Variants in NPHS1 observed in about 807,000 individuals in gnomAD.
NPHS1 encodes the protein nephrin.
In NPHS1, 107 loss-of-function variants were observed where a neutral mutation model predicts 139.7. That is an observed-to-expected ratio of 0.77 (90% CI 0.66 to 0.90). The LOEUF is 0.90. Ranked by LOEUF, NPHS1 falls within the 40% of genes least tolerant of loss-of-function variation. The probability of loss-of-function intolerance (pLI) is 0.00; values close to 1 mark genes in which losing one functional copy is unlikely to be tolerated. For synonymous variants in NPHS1, 707 were observed against 706.6 expected (o/e 1.00, Z -0.01); for missense variants, 1,580 against 1,654.2 (o/e 0.96, Z 0.78).
chr19:35,832,653 G>A (rs1000478122), intron 23 of NPHS1, among the ~76,000 whole-genome samples: 1 of 151,926 alleles, frequency 6.6e-6, no homozygotes, highest in African/African-American at 2.4e-5. Context: ...ACTCTGGGAG[G>A]CTGAGGGGTT....
chr19:35,851,272 G>C lies in NPHS1; in HGVS notation c.387C>G (p.Leu129=). ...GPELVSPRVI[L]SILVPPKLLL... Reference sequence around the variant, plus strand: ...GTCTCTCACCCATACCCAGGATGGAGAGGATCACTCTGGGAGACACGAGCT... The same window carrying C: ...GTCTCTCACCCATACCCAGGATGGACAGGATCACTCTGGGAGACACGAGCT... The change falls in exon 3 of 29, where the codon CTC becomes CTG. Residue 129 remains leucine (L), a synonymous_variant. Coordinates refer to ENST00000378910, the MANE Select transcript of NPHS1 (RefSeq NM_004646.4). 6.2e-7 allele frequency: 1 copy of C among 1,614,084 alleles called. No homozygotes were observed. Among genetic ancestry groups the C allele is most frequent in the South Asian group, 1.1e-5 (1 of 91,078 alleles).
chr19:35,828,422 AC>A (rs1972829202), intron 28 of NPHS1, among the ~76,000 whole-genome samples: 1 of 151,856 alleles, frequency 6.6e-6, no homozygotes, highest in Non-Finnish European at 1.5e-5. Context: ...CAGCCACCAC[AC>A]CCGGCTAACT....
Position 35,844,158 on chromosome 19 carries a change from C to T in NPHS1, c.2157G>A (p.Leu719=). The T allele has an allele frequency of 6.2e-7, 1 of 1,610,432 alleles. No individual in the cohort carries two copies. The highest frequency in any genetic ancestry group is 8.5e-7 in the Non-Finnish European group (1 of 1,180,014). ...VTRADDGLYQ[L]HCQNSEGTAE... is the part of the protein sequence containing the mutation. ...CGGTGCCCTCAGAGTTCTGGCAGTG[C>T]AGCTGATAGAGGCCGTCGTCCGCGC... The change falls in exon 16 of 29, where the codon CTG becomes CTA. Residue 719 remains leucine (L), a synonymous_variant. Coordinates refer to ENST00000378910, the MANE Select transcript of NPHS1 (RefSeq NM_004646.4).
At chr19:35,830,415 C>T (rs1313704869) in intron 28 of NPHS1, among the ~76,000 whole-genome samples, 2 of 152,154 alleles carry the variant, frequency 1.3e-5, no homozygotes, top group Non-Finnish European at 2.9e-5. Context: ...AATAGACTGC[C>T]TTCTTTTTTT....
intron 9 of NPHS1, 105 bp from the exon 10 acceptor site, chr19:35,848,502 T>TA: frequency 1.3e-6 from 2 of 1,584,260 alleles, no homozygotes; most frequent in Non-Finnish European, 1.7e-6. Context: ...GAGACATCTC[T>TA]ACCTCCCCCT....
At position 35,851,666 on chromosome 19, in the gene NPHS1, G is replaced by A. The variant is rs116617171; in HGVS notation, c.65C>T (p.Ala22Val). Reference sequence around the variant, plus strand: ...AACGGAGGCAGGAATCGCCAACTGCGCCAGGCCTGAGGACACAGCGCGGTG... The same window carrying A: ...AACGGAGGCAGGAATCGCCAACTGCACCAGGCCTGAGGACACAGCGCGGTG... The part of the protein sequence containing the change: ...LLLGLLTEGL[A>V]QLAIPASVPR... The change falls in exon 2 of 29, where the codon GCG becomes GTG. Residue 22 changes from alanine to valine, a missense_variant. Coordinates refer to ENST00000378910, the MANE Select transcript of NPHS1 (RefSeq NM_004646.4). The A allele has an allele frequency of 5.5e-4, 894 of 1,612,420 alleles. 9 individuals carry two copies. The East Asian group carries it at 0.018, about 33-fold the overall frequency.
In NPHS1 at chr19:35,843,463, G is replaced by T. The variant is rs756158801; in HGVS notation, c.2334+9C>A. ...CCCCACCTCTATTCACCAAAGGCTG[G>T]ATCCTCACCAGTCTCTCCCAGTTGA... On this transcript the variant is annotated intron_variant, in intron 17 of 28. Coordinates refer to ENST00000378910, the MANE Select transcript of NPHS1 (RefSeq NM_004646.4). 2.5e-6 allele frequency: 4 copies of T among 1,613,852 alleles called. No homozygotes were observed. Among genetic ancestry groups the T allele is most frequent in the Non-Finnish European group, 3.4e-6 (4 of 1,179,916 alleles).
intron 23 of NPHS1, among the ~76,000 whole-genome samples, chr19:35,832,656 G>T (rs1356883236): frequency 1.3e-5 from 2 of 151,924 alleles, no homozygotes; most frequent in Non-Finnish European, 2.9e-5. Context: ...CTGGGAGGCT[G>T]AGGGGTTGGA....
intron 16 of NPHS1, 56 bp downstream of exon 16, chr19:35,844,047 C>T: frequency 6.3e-7 from 1 of 1,591,540 alleles, no homozygotes; most frequent in South Asian, 1.1e-5. Flanking sequence ...TGAGGAGACT[C>T]CACAATGGGC....
Position 35,841,874 on chromosome 19 carries a change from G to T in NPHS1, c.2664-8C>A, listed in dbSNP as rs1350990506. 6.2e-7 allele frequency: 1 copy of T among 1,603,752 alleles called. No homozygotes were observed. The highest frequency in any genetic ancestry group is 1.1e-5 in the South Asian group (1 of 89,570). On this transcript the variant is annotated splice_region_variant and splice_polypyrimidine_tract_variant and intron_variant, in intron 19 of 28. Transcript: ENST00000378910. ...TATGTGTGCTCCGTGTACCTAGAGAGAAGGTAGGGCACCACTCACCCTTCC... is the reference window on the plus strand; with the variant it reads ...TATGTGTGCTCCGTGTACCTAGAGATAAGGTAGGGCACCACTCACCCTTCC...
At chr19:35,829,131 T>C (rs538848502) in intron 28 of NPHS1, among the ~76,000 whole-genome samples, 3 of 152,352 alleles carry the variant, frequency 2.0e-5, no homozygotes, top group South Asian at 4.1e-4. Flanking sequence ...GTCCCTCTCC[T>C]ACTCTCAGCC....
intron 20 of NPHS1, among the ~76,000 whole-genome samples, chr19:35,840,083 C>G (rs1199972333): frequency 6.6e-6 from 1 of 151,436 alleles, no homozygotes; most frequent in Non-Finnish European, 1.5e-5. Context: ...TGGCTCACTG[C>G]AACCTCCACC....
chr19:35,828,359 G>A (rs1248194691), intron 28 of NPHS1, among the ~76,000 whole-genome samples: 2 of 151,914 alleles, frequency 1.3e-5, no homozygotes, highest in Non-Finnish European at 2.9e-5. Context: ...TCCGCCTCCC[G>A]GGTTTAAGCG....
intron 5 of NPHS1, 35 bp downstream of exon 5, chr19:35,850,327 AGG>A (rs758396671): frequency 6.4e-7 from 1 of 1,561,076 alleles, no homozygotes; most frequent in South Asian, 1.1e-5. Flanking sequence ...GGGGAAAATT[AGG>A]GGTCAAGGTT....
intron 11 of NPHS1, among the ~76,000 whole-genome samples, chr19:35,846,612 C>G (rs538072561): frequency 6.6e-6 from 1 of 152,212 alleles, no homozygotes; most frequent in Middle Eastern, 3.2e-3. Flanking sequence ...TCTTAAAATT[C>G]CTGCTGTCCC....
chr19:35,842,957 G>A (rs1973082892), intron 17 of NPHS1, among the ~76,000 whole-genome samples: 1 of 151,710 alleles, frequency 6.6e-6, no homozygotes, highest in Admixed American at 6.6e-5. Flanking sequence ...ATTCACTCAC[G>A]CTTGCACACC....
intron 14 of NPHS1, among the ~76,000 whole-genome samples, 181 bp from the exon 15 acceptor site, chr19:35,844,640 C>T (rs1186278483): frequency 2.0e-5 from 3 of 152,136 alleles, no homozygotes; most frequent in Admixed American, 6.6e-5. Flanking sequence ...AGTTAGAATA[C>T]AGTTTAGGAA....
intron 23 of NPHS1, among the ~76,000 whole-genome samples, chr19:35,835,077 G>A (rs1447812579): frequency 6.6e-6 from 1 of 150,606 alleles, no homozygotes; most frequent in Non-Finnish European, 1.5e-5. Context: ...GCAGGTGCCT[G>A]TAATCCCAGC....
rs188966501 is a variant in NPHS1, at chr19:35,845,228, T to C, written c.1930+140A>G. 980 of 935,756 alleles carry C rather than the reference T, an allele frequency of 1.0e-3. 6 individuals are homozygous for C. The African/African-American group carries it at 0.013, about 12-fold the overall frequency. 58.0% of individuals were successfully genotyped at this position (935,756 alleles called of 1,614,324 possible). On this transcript the variant is annotated intron_variant, in intron 14 of 28. Coordinates refer to ENST00000378910, the MANE Select transcript of NPHS1 (RefSeq NM_004646.4). This position sits in a 1 kb window ranked among gnomAD's most constrained non-coding sequence, Gnocchi z 5.5. The stretch of plus-strand genomic sequence containing the variant: ...GAGACTGCAGTGACCTATGATTGCG[T>C]CACTGCATTGCAGCCTGAGCGACAA...
Sources: gnomAD v4.1 joint callset for allele counts (sites outside exome capture counted in the v4.1 genomes callset) on GRCh38, gnomAD v4.1.1 for gene constraint, Gnocchi (gnomAD v3.1) non-coding constraint, MANE v1.5 for transcripts, NCBI Gene and HGNC (gene_info 2026-07-23, HGNC 2026-07-21) for gene names.